UBAC2: variants seen among roughly 807,000 people sequenced by gnomAD.
The protein encoded by UBAC2 is ubiquitin-associated domain-containing protein 2.
Under a neutral mutation model 44.0 loss-of-function variants are expected in UBAC2, and 26 were observed. That is an observed-to-expected ratio of 0.59 (90% CI 0.43 to 0.82). The LOEUF (loss-of-function observed/expected upper bound fraction) is 0.82. Ranked by LOEUF, UBAC2 falls within the 40% of genes least tolerant of loss-of-function variation. The pLI, the probability that UBAC2 is intolerant of heterozygous loss-of-function variation, is 0.00. For synonymous variants in UBAC2, 155 were observed against 154.3 expected, an observed-to-expected ratio of 1.00 and a Z score of -0.04; for missense variants, 329 against 419.4, an observed-to-expected ratio of 0.78 and a Z score of 1.88.
At chr13:99,226,033 T>A (rs533787654) in intron 1 of UBAC2, among the ~76,000 whole-genome samples, 1 of 152,324 alleles carries the variant, frequency 6.6e-6, no homozygotes, top group South Asian at 2.1e-4. Context: ...TTAGTTGATA[T>A]GTTTTCATAG....
At chr13:99,368,716 T>TGTGTGTGC (rs2045366018) in intron 8 of UBAC2, among the ~76,000 whole-genome samples, 1 of 151,966 alleles carries the variant, frequency 6.6e-6, no homozygotes, top group Non-Finnish European at 1.5e-5. Flanking sequence ...TGTGTGTGTG[T>TGTGTGTGC]GTGTGTGTGT....
intron 1 of UBAC2, chr13:99,201,195 C>T (rs1371035363): frequency 1.4e-6 from 2 of 1,419,614 alleles, no homozygotes; most frequent in Non-Finnish European, 1.8e-6. Flanking sequence ...GTGCTCTGCC[C>T]AGGAGTCTCT....
chr13:99,243,964 G>A lies in UBAC2; in HGVS notation c.279+13G>A, dbSNP rs140722120. On this transcript the variant is annotated intron_variant, in intron 3 of 8. Transcript: ENST00000403766. ...CAGAAAATTTGCAGTAAGTTTTTAT[G>A]TATTTTGTCTTTGCTACTTAGGCTG... 7.4e-4 allele frequency: 1,127 copies of A among 1,515,578 alleles called. 10 individuals carry two copies. The African/African-American group carries it at 0.014, about 19-fold the overall frequency. The allele number at this position is 1,515,578 out of a possible 1,614,324, so 93.9% of individuals were successfully genotyped here.
chr13:99,295,648 G>C lies in UBAC2; in HGVS notation c.390-18449G>C. The C allele has an allele frequency of 6.2e-7, 1 of 1,614,132 alleles. No individual in the cohort carries two copies. The highest frequency in any genetic ancestry group is 1.3e-5 in the African/African-American group (1 of 75,020). On this transcript the variant is annotated intron_variant, in intron 4 of 8. Coordinates refer to ENST00000403766, the MANE Select transcript of UBAC2 (RefSeq NM_001144072.2). This position sits in a 1 kb window ranked among gnomAD's most constrained non-coding sequence, Gnocchi z 4.1. The stretch of plus-strand genomic sequence containing the variant: ...CCTGCTTTGACATAGGGTTGATGAG[G>C]AGTGGGAGTGTCTGAGCAAATACTA...
At chr13:99,310,238 G>C (rs186271837) in intron 4 of UBAC2, among the ~76,000 whole-genome samples, 162 of 152,324 alleles carry the variant, frequency 1.1e-3, no homozygotes, top group African/African-American at 3.8e-3. Context: ...GAGGCGAGAA[G>C]ATTGCTTGAG....
chr13:99,281,450 G>A (rs1424575893), intron 4 of UBAC2, among the ~76,000 whole-genome samples: 3 of 151,964 alleles, frequency 2.0e-5, no homozygotes, highest in Non-Finnish European at 4.4e-5. Context: ...CCATGTGTCC[G>A]GCATTGTACT....
At chr13:99,238,718 C>T (rs1488260908) in intron 2 of UBAC2, among the ~76,000 whole-genome samples, 164 bp downstream of exon 2, 4 of 151,834 alleles carry the variant, frequency 2.6e-5, no homozygotes, top group Admixed American at 6.6e-5. Context: ...ATTGATTTTT[C>T]AGCAAAACAG....
chr13:99,257,345 A>G (rs1411956662), intron 4 of UBAC2, among the ~76,000 whole-genome samples: 1 of 152,198 alleles, frequency 6.6e-6, no homozygotes, highest in African/African-American at 2.4e-5. Flanking sequence ...CTTATTAAAT[A>G]GTAGCAATTA....
intron 4 of UBAC2, among the ~76,000 whole-genome samples, chr13:99,276,094 TC>T (rs1311602493): frequency 6.6e-6 from 1 of 152,194 alleles, no homozygotes; most frequent in African/African-American, 2.4e-5. Flanking sequence ...CTCAAGACCT[TC>T]CGTTTTTCTG....
At chr13:99,316,385 A>AAC (rs1421228821) in intron 5 of UBAC2, among the ~76,000 whole-genome samples, 1 of 152,110 alleles carries the variant, frequency 6.6e-6, no homozygotes, top group Non-Finnish European at 1.5e-5. Context: ...TCCCCACTAC[A>AAC]ACCAGGGACA....
intron 1 of UBAC2, among the ~76,000 whole-genome samples, chr13:99,235,953 G>C (rs2043227937): frequency 6.6e-6 from 1 of 152,078 alleles, no homozygotes; most frequent in African/African-American, 2.4e-5. Flanking sequence ...GGGCAATAGA[G>C]TGAGACCCTG....
chr13:99,254,763 A>T, intron 4 of UBAC2: 3 of 759,918 alleles, frequency 3.9e-6, no homozygotes, highest in Non-Finnish European at 2.1e-6. Flanking sequence ...GAAGATAATG[A>T]ATTTATTTTT....
intron 5 of UBAC2, among the ~76,000 whole-genome samples, chr13:99,315,025 C>T (rs932655859): frequency 2.6e-5 from 4 of 152,148 alleles, no homozygotes; most frequent in Admixed American, 2.0e-4. Flanking sequence ...CGGATACTGG[C>T]GTCACTTCAG....
chr13:99,244,645 G>A, intron 4 of UBAC2, 21 bp downstream of exon 4: 1 of 1,439,440 alleles, frequency 6.9e-7, no homozygotes, highest in Non-Finnish European at 9.8e-7. Context: ...CTTAAAGATT[G>A]ACTTAATTTA....
chr13:99,270,372 T>C (rs962230056), intron 4 of UBAC2, among the ~76,000 whole-genome samples: 3 of 152,202 alleles, frequency 2.0e-5, no homozygotes, highest in Non-Finnish European at 2.9e-5. Flanking sequence ...AGAATGCACA[T>C]GTATGTAAAT....
intron 1 of UBAC2, among the ~76,000 whole-genome samples, chr13:99,216,537 A>G (rs915265597): frequency 6.6e-6 from 1 of 152,232 alleles, no homozygotes; most frequent in African/African-American, 2.4e-5. Context: ...AATATTAATA[A>G]CAGGATCAGG....
At position 99,338,042 on chromosome 13, in the gene UBAC2, T is replaced by TTTTC. The variant is rs796181873; in HGVS notation, c.562-2275_562-2274insCTTT. Among the ~76,000 whole-genome samples, 186 of 69,654 alleles carry TTTTC rather than the reference T, an allele frequency of 2.7e-3. 4 individuals carry two copies. The highest frequency in any genetic ancestry group is 9.4e-3 in the African/African-American group (156 of 16,592). The allele number at this position is 69,654 out of a possible 152,430, so 45.7% of individuals were successfully genotyped here. ...AAAAAATCTCCTAACTTTTTTTCTT[T>TTTTC]TTTTCTTTTTTTTTTTTTTTTTTTT... On this transcript the variant is annotated intron_variant, in intron 6 of 8. Coordinates refer to ENST00000403766, the MANE Select transcript of UBAC2 (RefSeq NM_001144072.2).
intron 7 of UBAC2, among the ~76,000 whole-genome samples, chr13:99,353,583 C>T (rs1408876098): frequency 1.3e-5 from 2 of 152,206 alleles, no homozygotes; most frequent in Non-Finnish European, 2.9e-5. Context: ...AATCCTAATT[C>T]TTTTCCTGGG....
intron 8 of UBAC2, among the ~76,000 whole-genome samples, chr13:99,383,987 G>T (rs1049001121): frequency 6.6e-6 from 1 of 152,234 alleles, no homozygotes; most frequent in Admixed American, 6.5e-5. Context: ...ACTAGGCTGC[G>T]GGTGAAGTGG....
Sources: gnomAD v4.1 joint callset for allele counts (sites outside exome capture counted in the v4.1 genomes callset) on GRCh38, gnomAD v4.1.1 for gene constraint, Gnocchi (gnomAD v3.1) non-coding constraint, MANE v1.5 for transcripts, NCBI Gene and HGNC (gene_info 2026-07-23, HGNC 2026-07-21) for gene names.